Variants in DCAF8 observed in about 807,000 individuals in gnomAD.
DCAF8 encodes the protein DDB1- and CUL4-associated factor 8.
A neutral mutation model predicts 68.0 loss-of-function variants in DCAF8; 20 were observed. The observed-to-expected ratio is 0.29, with a 90% CI of 0.21 to 0.43. The LOEUF (loss-of-function observed/expected upper bound fraction) is 0.43. Among genes scored for constraint, DCAF8 ranks in the 20% least tolerant of loss-of-function variants. The probability of loss-of-function intolerance (pLI) is 1.00; values close to 1 mark genes in which losing one functional copy is unlikely to be tolerated. For synonymous variants in DCAF8, 230 were observed against 276.9 expected (o/e 0.83, Z 1.68); for missense variants, 460 against 771.0 (o/e 0.60, Z 4.78).
At chr1:160,260,686 G>A (rs1252857272) in intron 2 of DCAF8, among the ~76,000 whole-genome samples, 22 of 151,238 alleles carry the variant, frequency 1.5e-4, no homozygotes. Context: ...GAATTCTTCA[G>A]ACCAGCTACA....
intron 2 of DCAF8, among the ~76,000 whole-genome samples, chr1:160,256,069 C>T (rs550891442): frequency 1.3e-4 from 19 of 141,060 alleles, no homozygotes; most frequent in Admixed American, 2.2e-4. Flanking sequence ...ATGTTGCCAG[C>T]CTGAAACTCC....
rs1307082554 is a variant in DCAF8 at position 160,240,253 on chromosome 1, C to T, written c.167G>A (p.Gly56Asp). ...ACTTTCTGTGCTGGTGCGGTTGGGG[C>T]CACCATCATCCCCAGTCAAGCTCAA... ...LSLSLTGDDG[G>D]PNRTSTESRG... Residue 56 changes from glycine to aspartate, a missense_variant, in exon 4 of 14, where the codon GGC becomes GAC. By Grantham distance (94) the Gly-to-Asp change is moderately conservative. Around this residue, in one of 8 missense-constraint regions of DCAF8, gnomAD observed 156 missense variants for 181.4 expected, o/e 0.86. Transcript: ENST00000368074. 6.2e-7 allele frequency: 1 copy of T among 1,614,060 alleles called. No individual in the cohort carries two copies. Among genetic ancestry groups the T allele is most frequent in the South Asian group, 1.1e-5 (1 of 91,070 alleles).
At chr1:160,258,925 C>G (rs1359306993) in intron 2 of DCAF8, among the ~76,000 whole-genome samples, 1 of 152,204 alleles carries the variant, frequency 6.6e-6, no homozygotes, top group Non-Finnish European at 1.5e-5. Flanking sequence ...CCCATCCTTT[C>G]CTTCACCCGA....
chr1:160,231,213 TA>T, intron 7 of DCAF8, 83 bp downstream of exon 7: 4 of 930,626 alleles, frequency 4.3e-6, no homozygotes, highest in Non-Finnish European at 6.7e-6. Flanking sequence ...ATAAAATTCG[TA>T]ACTCTCCATA....
chr1:160,237,132 T>C lies in DCAF8; in HGVS notation c.959+3A>G. ...TCTGTAATGATATTACTGCTACACT[T>C]ACGACGCTGGGCGGTCTTGTCTCAG... is the stretch of plus-strand genomic sequence containing the variant. On this transcript the variant is annotated splice_donor_region_variant and intron_variant, in intron 6 of 13. Transcript: ENST00000368074. 6.4e-7 allele frequency: 1 copy of C among 1,556,096 alleles called. No homozygotes were observed. Among genetic ancestry groups the C allele is most frequent in the Non-Finnish European group, 8.7e-7 (1 of 1,146,684 alleles).
In DCAF8 at chr1:160,244,033, G is replaced by A. The variant is rs763096243; in HGVS notation, c.-25C>T. 28 of 1,613,884 alleles carry A rather than the reference G, an allele frequency of 1.7e-5. No individual in the cohort carries two copies. Among genetic ancestry groups the A allele is most frequent in the Non-Finnish European group, 2.1e-5 (25 of 1,179,902 alleles). ...TCTTGAATGATGTTTGCTGTAGCCA[G>A]CCTGGGTTTGGGAGAGGAAGAAACC... On this transcript the variant is annotated splice_region_variant and 5_prime_UTR_variant, in exon 3 of 14. Coordinates refer to ENST00000368074, the MANE Select transcript of DCAF8 (RefSeq NM_015726.4).
chr1:160,262,234 AAG>A, intron 1 of DCAF8: 1 of 397,892 alleles, frequency 2.5e-6, no homozygotes, highest in Middle Eastern at 6.3e-4. Flanking sequence ...ACCGGCTGGG[AAG>A]CGAGGGGGGG....
intron 2 of DCAF8, among the ~76,000 whole-genome samples, chr1:160,252,216 C>A (rs1656625466): frequency 6.6e-6 from 1 of 152,074 alleles, no homozygotes; most frequent in South Asian, 2.1e-4. Context: ...AGTCACAATC[C>A]CATTTGTAGC....
chr1:160,248,487 T>G (rs1228741379), intron 2 of DCAF8, among the ~76,000 whole-genome samples: 1 of 150,874 alleles, frequency 6.6e-6, no homozygotes, highest in Non-Finnish European at 1.5e-5. Context: ...TGTAATCCCA[T>G]CACTTTGGGA....
Position 160,216,047 on chromosome 1 carries a change from T to A in DCAF8, c.*1545A>T, listed in dbSNP as rs1350126675. 6 of 152,172 alleles carry A rather than the reference T, an allele frequency of 3.9e-5. No homozygotes were observed. The highest frequency in any genetic ancestry group is 8.8e-5 in the Non-Finnish European group (6 of 68,042). The allele number at this position is 152,172 out of a possible 1,614,324, so 9.4% of individuals were successfully genotyped here. A position where few individuals can be genotyped will look rare whatever the true frequency, so the allele number is the denominator to read the frequency against. On this transcript the variant is annotated 3_prime_UTR_variant, in exon 14 of 14. Transcript: ENST00000368074. ...GGCAAAAAAATAGCAGCAAAAGCAC[T>A]TAAGGGCAAGAATTCAGCTGGGACT... is the stretch of plus-strand genomic sequence containing the variant.
At chr1:160,246,080 G>A (rs1411459813) in intron 2 of DCAF8, among the ~76,000 whole-genome samples, 1 of 152,078 alleles carries the variant, frequency 6.6e-6, no homozygotes, top group Non-Finnish European at 1.5e-5. Context: ...GGAGGTTGTG[G>A]TGAGCCGAGA....
At chr1:160,245,042 T>A (rs1386723126) in intron 2 of DCAF8, among the ~76,000 whole-genome samples, 1 of 152,204 alleles carries the variant, frequency 6.6e-6, no homozygotes, top group African/African-American at 2.4e-5. Context: ...TCAGAGTCTC[T>A]AAGCACAAAG....
chr1:160,226,088 A>C (rs537371812), intron 7 of DCAF8, among the ~76,000 whole-genome samples: 1 of 152,138 alleles, frequency 6.6e-6, no homozygotes, highest in South Asian at 2.1e-4. Context: ...CATACTTCCC[A>C]TTTTAAGTGG....
intron 11 of DCAF8, chr1:160,220,935 C>T (rs886072853): frequency 4.6e-5 from 7 of 152,166 alleles, no homozygotes; most frequent in African/African-American, 1.2e-4. Flanking sequence ...AGTAAAAGAC[C>T]ACATCGATCA....
chr1:160,224,403 A>G (rs1472403748), intron 10 of DCAF8, 39 bp downstream of exon 10: 31 of 1,513,266 alleles, frequency 2.0e-5, no homozygotes, highest in Non-Finnish European at 2.7e-5. Context: ...TCCAAAGCCA[A>G]CAGGCTTGGG....
chr1:160,257,931 A>G (rs530123127), intron 2 of DCAF8, among the ~76,000 whole-genome samples: 1 of 152,268 alleles, frequency 6.6e-6, no homozygotes, highest in South Asian at 2.1e-4. Context: ...AGGTCTCAAT[A>G]TTGCCTAGGC....
chr1:160,250,121 G>A (rs1287012461), intron 2 of DCAF8, among the ~76,000 whole-genome samples: 3 of 152,126 alleles, frequency 2.0e-5, no homozygotes, highest in African/African-American at 7.2e-5. Context: ...ACTCAAAAAA[G>A]GATAAATTTT....
At chr1:160,252,606 T>G (rs1656640595) in intron 2 of DCAF8, among the ~76,000 whole-genome samples, 1 of 152,148 alleles carries the variant, frequency 6.6e-6, no homozygotes, top group African/African-American at 2.4e-5. Flanking sequence ...AGAAATTATT[T>G]TGTCAAAGAT....
intron 9 of DCAF8, among the ~76,000 whole-genome samples, 165 bp downstream of exon 9, chr1:160,224,897 A>G (rs1243195973): frequency 1.3e-5 from 2 of 152,248 alleles, no homozygotes; most frequent in Non-Finnish European, 2.9e-5. Flanking sequence ...AGGGTCATCT[A>G]CTGTATCCTC....
Sources: gnomAD v4.1 joint callset for allele counts (sites outside exome capture counted in the v4.1 genomes callset) on GRCh38, gnomAD v4.1.1 for gene constraint, gnomAD v4.1.1 regional missense constraint, MANE v1.5 for transcripts, NCBI Gene and HGNC (gene_info 2026-07-23, HGNC 2026-07-21) for gene names.